The following TMEM230 variants were observed in gnomAD, a reference collection of about 807,000 sequenced individuals.
TMEM230 encodes transmembrane protein 230, also known as UPF0414 transmembrane protein C20orf30.
TMEM230 carries 10 observed loss-of-function variants against 15.8 expected under a neutral mutation model. The observed-to-expected ratio is 0.63, with a 90% confidence interval of 0.39 to 1.07. TMEM230 has a LOEUF of 1.07. Among genes scored for constraint, TMEM230 ranks in the 50% least tolerant of loss-of-function variants. The probability of loss-of-function intolerance (pLI) is 0.01; values close to 1 mark genes in which losing one functional copy is unlikely to be tolerated. For missense variants in TMEM230, 165 were observed against 193.3 expected (o/e 0.85, Z 0.87); for synonymous variants, 67 against 76.9 (o/e 0.87, Z 0.68).
chr20:5,109,082 C>T (rs1256910637), intron 3 of TMEM230: 1 of 291,348 alleles, frequency 3.4e-6, no homozygotes, highest in African/African-American at 2.2e-5. Context: ...GTAAATAAAA[C>T]CTGTAACTAC....
intron 1 of TMEM230, chr20:5,111,802 T>C: frequency 1.0e-6 from 1 of 980,904 alleles, no homozygotes; most frequent in African/African-American, 1.7e-5. Flanking sequence ...AAGTACTTTG[T>C]ACATACCTAA....
intron 3 of TMEM230, among the ~76,000 whole-genome samples, chr20:5,080,657 C>T (rs1341863239): frequency 6.6e-6 from 1 of 151,956 alleles, no homozygotes; most frequent in African/African-American, 2.4e-5. Flanking sequence ...ACCTCTGCCT[C>T]CCGGATTCAA....
intron 2 of TMEM230, chr20:5,111,135 C>CTGCACCACTGCACTCCAGCCTGGG (rs2090298615): frequency 1.3e-5 from 2 of 150,936 alleles, no homozygotes; most frequent in Non-Finnish European, 2.9e-5. Context: ...TGAGCCGAGA[C>CTGCACCACTGCACTCCAGCCTGGG]TGCACCACTG....
intron 3 of TMEM230, among the ~76,000 whole-genome samples, chr20:5,079,607 C>T (rs1319549925): frequency 6.6e-6 from 1 of 152,196 alleles, no homozygotes; most frequent in East Asian, 1.9e-4. Flanking sequence ...CCCACCTCAG[C>T]TGGGACTACA....
chr20:5,109,183 A>G (rs888213316), intron 3 of TMEM230, 149 bp downstream of exon 2: 2 of 595,200 alleles, frequency 3.4e-6, no homozygotes, highest in East Asian at 5.7e-5. Context: ...TTCTGCGATT[A>G]TGGCTGAAAG....
chr20:5,112,931 T>C, intron 1 of TMEM230, 30 bp downstream of exon 1: 1 of 1,549,590 alleles, frequency 6.5e-7, no homozygotes, highest in Non-Finnish European at 8.7e-7. Context: ...AGGACGGTTC[T>C]GTCCCCGCCC....
Position 5,089,289 on chromosome 20 carries a change from C to T in TMEM230, c.222+16899G>A, listed in dbSNP as rs180672946. ...ATTAGGGAGACTGAGGCAGGAGAATCGCTTGAACCTGGGAGGCGGGGGTTG... is the reference window on the plus strand; with the variant it reads ...ATTAGGGAGACTGAGGCAGGAGAATTGCTTGAACCTGGGAGGCGGGGGTTG... On this transcript the variant is annotated intron_variant, in intron 3 of 3. Coordinates refer to the TMEM230 transcript ENST00000612323. Among the ~76,000 whole-genome samples the T allele has an allele frequency of 4.6e-5, 7 of 152,032 alleles. No individual in the cohort carries two copies. In the East Asian group the frequency reaches 1.4e-3, roughly 29 times the overall value.
downstream of TMEM230, chr20:5,067,421 A>ATATATATATATATG (rs2088680034): frequency 1.1e-4 from 1 of 8,720 alleles, no homozygotes; most frequent in Non-Finnish European, 2.1e-4. Flanking sequence ...ATATATATAT[A>ATATATATATATATG]TATATATATA....
rs142796331 is a variant in TMEM230 at position 5,077,796 on chromosome 20, C to T, written c.223-8447G>A. ...TTGCAGTGAGCTGAGATTGCAACAG[C>T]GCACTCCAACCTGGGCAAGAGAGCA... On this transcript the variant is annotated intron_variant, in intron 3 of 3. Transcript: ENST00000612323. Among the ~76,000 whole-genome samples the T allele has an allele frequency of 3.0e-3, 460 of 151,398 alleles. 3 individuals are homozygous for T. Among genetic ancestry groups the T allele is most frequent in the Non-Finnish European group, 4.0e-3 (273 of 67,922 alleles).
Position 5,111,492 on chromosome 20 carries a change from C to A in TMEM230, c.174+8G>T. ...GGCATGGTGGTGGGTGCCTGTAGTC[C>A]CACCTACTCGGGAGGCTGAAGCAGA... On this transcript the variant is annotated splice_region_variant and intron_variant, in intron 2 of 4. Coordinates refer to ENST00000342308, the MANE Select transcript of TMEM230 (RefSeq NM_001009923.2). 5.1e-6 allele frequency: 1 copy of A among 194,830 alleles called. No homozygotes were observed. The highest frequency in any genetic ancestry group is 1.1e-5 in the Non-Finnish European group (1 of 88,680). The allele number at this position is 194,830 out of a possible 1,614,324, so 12.1% of individuals were successfully genotyped here. A position where few individuals can be genotyped will look rare whatever the true frequency, so the allele number is the denominator to read the frequency against.
At chr20:5,075,759 T>C (rs1226247421) in intron 3 of TMEM230, among the ~76,000 whole-genome samples, 1 of 151,822 alleles carries the variant, frequency 6.6e-6, no homozygotes, top group African/African-American at 2.4e-5. Flanking sequence ...ATAAAAATAA[T>C]CTTTTTCCTA....
chr20:5,071,311 G>T (rs1489790344), intron 3 of TMEM230, among the ~76,000 whole-genome samples: 1 of 151,880 alleles, frequency 6.6e-6, no homozygotes, highest in Non-Finnish European at 1.5e-5. Flanking sequence ...AAAGATGGGA[G>T]CATGAATATG....
chr20:5,107,478 C>T (rs907175138), intron 3 of TMEM230, among the ~76,000 whole-genome samples: 1 of 152,196 alleles, frequency 6.6e-6, no homozygotes, highest in African/African-American at 2.4e-5. Flanking sequence ...ATGTCATTCA[C>T]TCTAGTTCGA....
At chr20:5,069,479 G>A in intron 3 of TMEM230, 1 of 906,498 alleles carries the variant, frequency 1.1e-6, no homozygotes, top group Non-Finnish European at 1.6e-6. Flanking sequence ...AGGCCTGTGT[G>A]AGGCAGGAGC....
At chr20:5,066,336 G>C (rs2122518781), downstream of TMEM230, 1 of 152,282 alleles carries the variant, frequency 6.6e-6, no homozygotes, top group South Asian at 2.1e-4. Flanking sequence ...CCCAGAAAAG[G>C]CAAAACTAGG....
At chr20:5,089,860 A>G (rs1419266426) in intron 3 of TMEM230, among the ~76,000 whole-genome samples, 1 of 151,684 alleles carries the variant, frequency 6.6e-6, no homozygotes, top group East Asian at 1.9e-4. Flanking sequence ...TCTAGTAAAC[A>G]ATACAAAAAT....
intron 4 of TMEM230, among the ~76,000 whole-genome samples, chr20:5,103,086 G>A (rs1009073432): frequency 2.0e-5 from 3 of 152,140 alleles, no homozygotes; most frequent in Admixed American, 6.5e-5. Flanking sequence ...TACATCCACC[G>A]GGTGTGGTGG....
At position 5,080,128 on chromosome 20, in the gene TMEM230, T is replaced by C. The variant is rs140151543; in HGVS notation, c.223-10779A>G. On this transcript the variant is annotated intron_variant, in intron 3 of 3. Transcript: ENST00000612323. ...ACAATGTTCCTAAATGTTATTCTAG[T>C]AGAGTAGAAGTTCTCTCAATTTTGA... Among the ~76,000 whole-genome samples the C allele has an allele frequency of 1.2e-3, 184 of 152,360 alleles. 1 individual carries two copies. The highest frequency in any genetic ancestry group is 4.3e-3 in the African/African-American group (177 of 41,578).
intron 3 of TMEM230, among the ~76,000 whole-genome samples, chr20:5,071,266 A>C (rs2088813547): frequency 6.6e-6 from 1 of 152,178 alleles, no homozygotes; most frequent in Non-Finnish European, 1.5e-5. Flanking sequence ...CAGATGCAGA[A>C]CTGGGAATGG....
Sources: gnomAD v4.1 joint callset for allele counts (sites outside exome capture counted in the v4.1 genomes callset) on GRCh38, gnomAD v4.1.1 for gene constraint, MANE v1.5 for transcripts, NCBI Gene and HGNC (gene_info 2026-07-23, HGNC 2026-07-21) for gene names.